RBM4: variants seen among roughly 807,000 people sequenced by gnomAD.
RBM4 encodes the protein RNA binding motif protein 4, also known as RNA-binding protein 4.
Under a neutral mutation model 29.5 loss-of-function variants are expected in RBM4, and 7 were observed. That is an observed-to-expected ratio of 0.24 (90% confidence interval 0.14 to 0.45). RBM4 has a LOEUF of 0.45. Among genes scored for constraint, RBM4 ranks in the 20% least tolerant of loss-of-function variants. The probability of loss-of-function intolerance (pLI) is 1.00; values close to 1 mark genes in which losing one functional copy is unlikely to be tolerated. For synonymous variants in RBM4, 220 were observed against 205.4 expected (o/e 1.07, Z -0.61); for missense variants, 387 against 502.3 (o/e 0.77, Z 2.19).
exon 3 of RBM4, chr11:66,666,119 C>T (rs1939224030): frequency 1.3e-6 from 1 of 787,840 alleles, no homozygotes; most frequent in South Asian, 2.0e-5. Context: ...GTCACACTGT[C>T]ACAGAGTGAG....
At position 66,643,312 on chromosome 11, in the gene RBM4, T is replaced by TC; in HGVS notation, c.413-136dup. The TC allele has an allele frequency of 2.6e-6, 3 of 1,162,004 alleles. No individual in the cohort carries two copies. The highest frequency in any genetic ancestry group is 3.8e-5 in the South Asian group (2 of 53,230). 72.0% of individuals were successfully genotyped at this position (1,162,004 alleles called of 1,614,324 possible). A position where few individuals can be genotyped will look rare whatever the true frequency, so the allele number is the denominator to read the frequency against. ...CTATATGTTGAGTCTTTTTTTTTTT[T>TC]CCTTTTTATCTTTTCCTAAAGATGA... On this transcript the variant is annotated intron_variant, in intron 2 of 3. Coordinates refer to ENST00000310092, the MANE Select transcript of RBM4 (RefSeq NM_002896.4). The surrounding 1 kb of genome is among the most constrained non-coding windows in gnomAD (Gnocchi z 6.1).
Position 66,657,772 on chromosome 11 carries a change from A to G in RBM4, c.413-8084A>G, listed in dbSNP as rs529691773. ...CTTTTTTTTGAGACAGGGTCTTCCT[A>G]TGTCACCCAGGCTGGAGTGCCGTGT... On this transcript the variant is annotated intron_variant, in intron 2 of 2. Transcript: ENST00000396053. 2.8e-5 allele frequency among the ~76,000 whole-genome samples: 4 copies of G among 140,572 alleles called. No homozygotes were observed. The East Asian group carries it at 8.6e-4, about 30-fold the overall frequency. 92.2% of individuals were successfully genotyped at this position (140,572 alleles called of 152,430 possible).
At chr11:66,651,012 C>T (rs545409036), downstream of RBM4, among the ~76,000 whole-genome samples, 8 of 152,192 alleles carry the variant, frequency 5.3e-5, no homozygotes, top group Admixed American at 2.0e-4. Flanking sequence ...ACAGTGGGAT[C>T]CTGTCTCAAA....
exon 3 of RBM4, chr11:66,666,749 T>C (rs933747097): frequency 1.3e-5 from 2 of 152,196 alleles, no homozygotes; most frequent in African/African-American, 4.8e-5. Flanking sequence ...CTATAAATTT[T>C]AAGATCATTT....
At chr11:66,645,085 C>T (rs995994374) in intron 3 of RBM4, among the ~76,000 whole-genome samples, 1 of 152,044 alleles carries the variant, frequency 6.6e-6, no homozygotes, top group African/African-American at 2.4e-5. Flanking sequence ...GCAAATCACT[C>T]CCTTCTTCAT....
chr11:66,643,948 AC>A lies in RBM4; in HGVS notation c.912del (p.Tyr304Ter). On this transcript the variant is annotated frameshift_variant, in exon 3 of 4. Transcript: ENST00000310092. LOFTEE classifies it high-confidence loss of function. This position sits in a 1 kb window ranked among gnomAD's most constrained non-coding sequence, Gnocchi z 6.1. ...AAVTAASTSY[Y>X]GRDRSPLRRA... ...GTTACTGCAGCTTCCACTTCATATT[AC>A]GGGCGGGATCGGAGCCCCCTGCGTC... 6.2e-7 allele frequency: 1 copy of A among 1,612,858 alleles called. No homozygotes were observed. The highest frequency in any genetic ancestry group is 8.5e-7 in the Non-Finnish European group (1 of 1,179,908).
chr11:66,661,721 GAAGT>G (rs1340124202), intron 2 of RBM4, among the ~76,000 whole-genome samples: 1 of 152,158 alleles, frequency 6.6e-6, no homozygotes, highest in Non-Finnish European at 1.5e-5. Flanking sequence ...TATCATATAA[GAAGT>G]AAGGTTTAGG....
chr11:66,648,239 G>T (rs560048026), downstream of RBM4, among the ~76,000 whole-genome samples: 15 of 151,798 alleles, frequency 9.9e-5, no homozygotes, highest in East Asian at 2.7e-3. Flanking sequence ...TAAGTCCTTG[G>T]CCAGGTGCAG....
exon 3 of RBM4, chr11:66,666,062 A>G (rs1939220788): frequency 2.7e-6 from 3 of 1,100,400 alleles, no homozygotes; most frequent in South Asian, 3.2e-5. Flanking sequence ...AAGGGGTAGG[A>G]TATCAAGGAG....
At position 66,643,120 on chromosome 11, in the gene RBM4, A is replaced by T. The variant is rs759356571; in HGVS notation, c.413-330A>T. Reference sequence around the variant, plus strand: ...AGAAAAGACTTGGGCACTGTTTCTTACTTTGACTTCTTTTGACTTTGAGCC... The same window carrying T: ...AGAAAAGACTTGGGCACTGTTTCTTTCTTTGACTTCTTTTGACTTTGAGCC... On this transcript the variant is annotated intron_variant, in intron 2 of 3. Transcript: ENST00000310092. This position sits in a 1 kb window ranked among gnomAD's most constrained non-coding sequence, Gnocchi z 6.1. Among the ~76,000 whole-genome samples the T allele has an allele frequency of 6.6e-6, 1 of 152,128 alleles. No individual in the cohort carries two copies. Among genetic ancestry groups the T allele is most frequent in the Non-Finnish European group, 1.5e-5 (1 of 68,022 alleles).
At chr11:66,665,523 G>T in intron 2 of RBM4, 1 of 1,388,670 alleles carries the variant, frequency 7.2e-7, no homozygotes, top group Non-Finnish European at 9.9e-7. Flanking sequence ...GGGACCGCGC[G>T]GAGCAAGTTC....
At chr11:66,649,634 T>C (rs1360796716), downstream of RBM4, 1 of 637,592 alleles carries the variant, frequency 1.6e-6, no homozygotes, top group Non-Finnish European at 2.8e-6. Context: ...ATCAAGTGTA[T>C]CTTTGAGTGG....
chr11:66,639,524 G>C (rs893124870), intron 1 of RBM4, 176 bp from the exon 2 acceptor site: 5 of 764,314 alleles, frequency 6.5e-6, no homozygotes, highest in Non-Finnish European at 1.0e-5. Context: ...GGTTCATGGC[G>C]GCTACTATAG....
exon 3 of RBM4, chr11:66,668,303 C>A: frequency 1.5e-5 from 4 of 266,448 alleles, no homozygotes; most frequent in South Asian, 8.0e-5. Flanking sequence ...GGGCACATAA[C>A]AAATGTTAGA....
intron 2 of RBM4, among the ~76,000 whole-genome samples, chr11:66,662,175 G>T (rs1939095707): frequency 6.6e-6 from 1 of 152,140 alleles, no homozygotes; most frequent in Non-Finnish European, 1.5e-5. Context: ...CAATAGAGTA[G>T]CCACTAGCTA....
At chr11:66,655,873 C>G (rs1227342480) in intron 2 of RBM4, among the ~76,000 whole-genome samples, 1 of 151,892 alleles carries the variant, frequency 6.6e-6, no homozygotes. Context: ...AATGTGATTA[C>G]TTTTTTAAAA....
chr11:66,640,650 T>A (rs533775795), intron 2 of RBM4: 9 of 160,662 alleles, frequency 5.6e-5, no homozygotes, highest in Non-Finnish European at 1.2e-4. Flanking sequence ...GGGATTGTAT[T>A]TTGAGTTTAA....
Position 66,659,262 on chromosome 11 carries a change from TC to T in RBM4, c.413-6593del, listed in dbSNP as rs1385029293. ...CACCTAGCTGACATTTCTTCTTGGT[TC>T]TTTTTTTTTTTTTTTTTTTTTTTTT... On this transcript the variant is annotated intron_variant, in intron 2 of 2. Transcript: ENST00000396053. 1.2e-4 allele frequency among the ~76,000 whole-genome samples: 17 copies of T among 136,046 alleles called. No individual in the cohort carries two copies. The East Asian group carries it at 1.5e-3, about 12-fold the overall frequency. 89.3% of individuals were successfully genotyped at this position (136,046 alleles called of 152,430 possible).
Position 66,646,168 on chromosome 11 carries a change from C to A in RBM4, c.*150C>A. 6.6e-7 allele frequency: 1 copy of A among 1,513,540 alleles called. No homozygotes were observed. The allele number at this position is 1,513,540 out of a possible 1,614,324, so 93.8% of individuals were successfully genotyped here. On this transcript the variant is annotated 3_prime_UTR_variant, in exon 4 of 4. Coordinates refer to ENST00000310092, the MANE Select transcript of RBM4 (RefSeq NM_002896.4). ...GGACCTTAATTTACCTTGCTAAGTT[C>A]AGACCTTCTCTTCCTTTCCTTTCCT...
Sources: gnomAD v4.1 joint callset for allele counts (sites outside exome capture counted in the v4.1 genomes callset) on GRCh38, gnomAD v4.1.1 for gene constraint, Gnocchi (gnomAD v3.1) non-coding constraint, MANE v1.5 for transcripts, NCBI Gene and HGNC (gene_info 2026-07-23, HGNC 2026-07-21) for gene names.